Variants in ANAPC1 observed in about 807,000 individuals in gnomAD.
The protein encoded by ANAPC1 is anaphase promoting complex subunit 1.
ANAPC1 carries 36 observed loss-of-function variants against 208.0 expected under a neutral mutation model. The observed-to-expected ratio is 0.17, with a 90% CI of 0.13 to 0.23. ANAPC1 has a LOEUF of 0.23. Among genes scored for constraint, ANAPC1 ranks in the 10% least tolerant of loss-of-function variants. The probability of loss-of-function intolerance (pLI) is 1.00; values close to 1 mark genes in which losing one functional copy is unlikely to be tolerated. For synonymous variants in ANAPC1, 378 were observed against 695.2 expected, an observed-to-expected ratio of 0.54 and a Z score of 7.18; for missense variants, 942 against 2,011.6, an observed-to-expected ratio of 0.47 and a Z score of 10.17.
At chr2:111,819,113 A>T (rs1679379005) in intron 26 of ANAPC1, 155 bp from the exon 27 acceptor site, 1 of 899,662 alleles carries the variant, frequency 1.1e-6, no homozygotes, top group Non-Finnish European at 1.3e-6. Flanking sequence ...CCCAAACATG[A>T]TTATTTTCAT....
At chr2:111,855,167 G>A (rs1681632089) in intron 13 of ANAPC1, among the ~76,000 whole-genome samples, 1 of 152,180 alleles carries the variant, frequency 6.6e-6, no homozygotes, top group Non-Finnish European at 1.5e-5. Flanking sequence ...CAGGAAAGGG[G>A]TCAAATGATC....
chr2:111,881,176 T>C (rs547988135), intron 1 of ANAPC1, among the ~76,000 whole-genome samples: 2 of 152,246 alleles, frequency 1.3e-5, no homozygotes, highest in African/African-American at 4.8e-5. Context: ...TTAGACAAGT[T>C]GTATTCTATG....
At chr2:111,793,066 C>T (rs1340903266) in intron 37 of ANAPC1, among the ~76,000 whole-genome samples, 1 of 152,206 alleles carries the variant, frequency 6.6e-6, no homozygotes, top group Non-Finnish European at 1.5e-5. Flanking sequence ...TGGAATGTCA[C>T]ACCCAAAGAT....
At position 111,772,474 on chromosome 2, in the gene ANAPC1, G is replaced by C; in HGVS notation, c.5586C>G (p.Val1862=). Residue 1862 remains valine (V), a splice_region_variant and synonymous_variant, in exon 47 of 48, where the codon GTC becomes GTG. Transcript: ENST00000341068. ...IDNTLDQWLQ[V]GGDMCVHAYL... is the part of the protein sequence containing the mutation. ...AGGCGTGCACACACATATCACCCCCGACTGTGAGAGAAACAAATGGAACGG... is the reference window on the plus strand; with the variant it reads ...AGGCGTGCACACACATATCACCCCCCACTGTGAGAGAAACAAATGGAACGG... 7.2e-7 allele frequency: 1 copy of C among 1,394,800 alleles called. No homozygotes were observed. The highest frequency in any genetic ancestry group is 9.9e-7 in the Non-Finnish European group (1 of 1,014,446). 86.4% of individuals were successfully genotyped at this position (1,394,800 alleles called of 1,614,324 possible).
chr2:111,854,854 A>G, intron 13 of ANAPC1, among the ~76,000 whole-genome samples: 1 of 152,128 alleles, frequency 6.6e-6, no homozygotes, highest in Non-Finnish European at 1.5e-5. Context: ...TATCAGCGAT[A>G]AGGCTGTTTC....
At chr2:111,881,262 T>C (rs1368025407) in intron 1 of ANAPC1, among the ~76,000 whole-genome samples, 1 of 152,094 alleles carries the variant, frequency 6.6e-6, no homozygotes, top group African/African-American at 2.4e-5. Flanking sequence ...GAAAAGTACA[T>C]CTAAGGGATC....
intron 20 of ANAPC1, among the ~76,000 whole-genome samples, chr2:111,832,258 G>GT (rs1680181786): frequency 1.4e-5 from 2 of 145,320 alleles, no homozygotes; most frequent in Middle Eastern, 3.8e-3. Flanking sequence ...AGCCAAGATC[G>GT]TACCACTGCA....
intron 34 of ANAPC1, among the ~76,000 whole-genome samples, chr2:111,798,869 C>T (rs1678294065): frequency 1.3e-5 from 2 of 152,122 alleles, no homozygotes; most frequent in Non-Finnish European, 2.9e-5. Flanking sequence ...CCCGTCTCTA[C>T]TAAAAATACA....
intron 39 of ANAPC1, among the ~76,000 whole-genome samples, chr2:111,786,976 G>A (rs1221042942): frequency 6.6e-6 from 1 of 151,380 alleles, no homozygotes; most frequent in African/African-American, 2.4e-5. Flanking sequence ...GTGAAACCCC[G>A]TCTCTACTAA....
chr2:111,851,030 C>T, intron 13 of ANAPC1, 120 bp from the exon 14 acceptor site: 1 of 1,171,706 alleles, frequency 8.5e-7, no homozygotes, highest in Non-Finnish European at 1.2e-6. Flanking sequence ...TTATACTCAC[C>T]AAACACAGCA....
At chr2:111,858,668 G>A (rs1462464505) in intron 10 of ANAPC1, among the ~76,000 whole-genome samples, 1 of 151,680 alleles carries the variant, frequency 6.6e-6, no homozygotes, top group African/African-American at 2.4e-5. Flanking sequence ...AGGCTGAGGC[G>A]GGAGAATGGC....
chr2:111,860,416 A>G (rs1401392477), intron 10 of ANAPC1, among the ~76,000 whole-genome samples: 11 of 147,048 alleles, frequency 7.5e-5, no homozygotes, highest in African/African-American at 2.3e-4. Context: ...TTGTATCTTC[A>G]TTCCTATTCA....
intron 13 of ANAPC1, among the ~76,000 whole-genome samples, chr2:111,852,658 C>A (rs961415795): frequency 2.0e-5 from 3 of 152,076 alleles, no homozygotes; most frequent in Admixed American, 2.0e-4. Flanking sequence ...GGTCAGCAAA[C>A]CATGTTCCAT....
At chr2:111,845,650 T>C (rs1193696038) in intron 16 of ANAPC1, among the ~76,000 whole-genome samples, 1 of 152,200 alleles carries the variant, frequency 6.6e-6, no homozygotes, top group African/African-American at 2.4e-5. Flanking sequence ...AGGCTTATAA[T>C]AGTTCGAGGT....
chr2:111,767,525 G>A (rs1435080996), downstream of ANAPC1: 1 of 157,554 alleles, frequency 6.3e-6, no homozygotes, highest in Non-Finnish European at 1.4e-5. Context: ...GCTGCTTCCA[G>A]ACTATCTGCA....
chr2:111,823,268 C>T (rs1479194142), intron 24 of ANAPC1, among the ~76,000 whole-genome samples: 3 of 151,794 alleles, frequency 2.0e-5, no homozygotes, highest in Non-Finnish European at 4.4e-5. Flanking sequence ...CCACCCGCCT[C>T]GGCCTCCCAA....
chr2:111,847,823 T>C lies in ANAPC1; in HGVS notation c.1693A>G (p.Lys565Glu), dbSNP rs767571503. ...TCATTATAGAGAGAATCATGAAGTT[T>C]TGAAGAATCCCTCAGTTCTGGAACT... is the stretch of plus-strand genomic sequence containing the variant. ...SPVPELRDSS[K>E]LHDSLYNEDC... Residue 565 changes from lysine to glutamate, a missense_variant, in exon 15 of 48, where the codon AAA (lysine) becomes GAA (glutamate). Coordinates refer to ENST00000341068, the MANE Select transcript of ANAPC1 (RefSeq NM_022662.4). 4 of 1,599,044 alleles carry C rather than the reference T, an allele frequency of 2.5e-6. No homozygotes were observed. The highest frequency in any genetic ancestry group is 3.4e-6 in the Non-Finnish European group (4 of 1,174,884).
At chr2:111,853,318 C>A (rs1313221850) in intron 13 of ANAPC1, among the ~76,000 whole-genome samples, 10 of 152,124 alleles carry the variant, frequency 6.6e-5, no homozygotes, top group African/African-American at 9.7e-5. Flanking sequence ...TTGTGTTAGA[C>A]CATTGTATTT....
chr2:111,797,332 C>A (rs961120422), intron 34 of ANAPC1, among the ~76,000 whole-genome samples: 7 of 152,084 alleles, frequency 4.6e-5, no homozygotes, highest in South Asian at 4.2e-4. Context: ...GAGTTTAGCA[C>A]GTGCCTTGCA....
Sources: allele counts gnomAD v4.1 joint callset (sites outside exome capture counted in the v4.1 genomes callset), GRCh38; gene constraint gnomAD v4.1.1; transcripts MANE v1.5; gene names NCBI Gene and HGNC (gene_info 2026-07-23, HGNC 2026-07-21).